MINPP1: variants seen among roughly 807,000 people sequenced by gnomAD.
MINPP1 encodes the protein multiple inositol polyphosphate phosphatase 1.
Under a neutral mutation model 46.1 loss-of-function variants are expected in MINPP1, and 28 were observed. The observed-to-expected ratio is 0.61, with a 90% CI of 0.45 to 0.83. The LOEUF (loss-of-function observed/expected upper bound fraction) is 0.83. MINPP1 is among the 40% of genes least tolerant of loss of function. MINPP1 has a pLI of 0.00. For missense variants in MINPP1, 603 were observed against 610.0 expected, an observed-to-expected ratio of 0.99 and a Z score of 0.12; for synonymous variants, 268 against 249.1, an observed-to-expected ratio of 1.08 and a Z score of -0.72.
At chr10:87,548,889 AC>A (rs1436519458) in intron 4 of MINPP1, among the ~76,000 whole-genome samples, 1 of 152,210 alleles carries the variant, frequency 6.6e-6, no homozygotes, top group African/African-American at 2.4e-5. Context: ...ATCAATACTT[AC>A]GGACTTTATA....
At chr10:87,509,616 ATTC>A (rs1241251917) in intron 2 of MINPP1, 16 of 212,782 alleles carry the variant, frequency 7.5e-5, no homozygotes, top group South Asian at 3.1e-4. Context: ...CCTGGATCCC[ATTC>A]TTCTTCCTTT....
In MINPP1 at chr10:87,505,448, G is replaced by T; in HGVS notation, c.533G>T (p.Arg178Leu). The T allele has an allele frequency of 1.2e-6, 2 of 1,613,382 alleles. No homozygotes were observed. Among genetic ancestry groups the T allele is most frequent in the Non-Finnish European group, 1.7e-6 (2 of 1,179,604 alleles). The change falls in exon 1 of 5, where the codon CGG (arginine) becomes CTG (leucine). Residue 178 changes from arginine (R) to leucine (L), a missense_variant. By Grantham distance (102) the Arg-to-Leu change is moderately radical. This residue lies in a region of MINPP1 where 344 missense variants were observed against 381.1 expected (regional missense o/e 0.90). Transcript: ENST00000371996. The surrounding 1 kb of genome is among the most constrained non-coding windows in gnomAD (Gnocchi z 4.4). ...AGCCGTGAGAACTACGGCCGCCTGC[G>T]GCTCATCACCAGTTCCAAGCACCGC... Reference protein sequence around the residue: ...LFSRENYGRLRLITSSKHRCM... With the variant: ...LFSRENYGRLLLITSSKHRCM...
intron 2 of MINPP1, among the ~76,000 whole-genome samples, chr10:87,510,110 CCA>C (rs1262681053): frequency 6.6e-6 from 1 of 152,082 alleles, no homozygotes; most frequent in Non-Finnish European, 1.5e-5. Context: ...TGTCTTTATG[CCA>C]CAGTTTCCTT....
rs1430332867 is a variant in MINPP1 at position 87,505,950 on chromosome 10, A to T, written c.637+398A>T. Among the ~76,000 whole-genome samples the T allele has an allele frequency of 6.6e-6, 1 of 151,450 alleles. No individual in the cohort carries two copies. The highest frequency in any genetic ancestry group is 1.5e-5 in the Non-Finnish European group (1 of 67,954). ...GGCGTCTAGTTTCACAATTGGGCGC[A>T]CGTTTTAAAAAACAGAATCTAGAAT... On this transcript the variant is annotated intron_variant, in intron 1 of 4. Coordinates refer to ENST00000371996, the MANE Select transcript of MINPP1 (RefSeq NM_004897.5). The surrounding 1 kb of genome is among the most constrained non-coding windows in gnomAD (Gnocchi z 4.4).
chr10:87,546,820 C>G (rs534019387), intron 4 of MINPP1: 1 of 152,178 alleles, frequency 6.6e-6, no homozygotes, highest in South Asian at 2.1e-4. Context: ...GTCCTAGTTA[C>G]TTGGGAGGCC....
At chr10:87,532,098 C>T (rs1851668237) in intron 4 of MINPP1, among the ~76,000 whole-genome samples, 2 of 152,168 alleles carry the variant, frequency 1.3e-5, no homozygotes, top group South Asian at 2.1e-4. Flanking sequence ...ACACCCTTCC[C>T]CTCTACCACC....
chr10:87,531,478 A>C (rs1483241078), intron 4 of MINPP1, among the ~76,000 whole-genome samples: 1 of 152,222 alleles, frequency 6.6e-6, no homozygotes, highest in Non-Finnish European at 1.5e-5. Flanking sequence ...ATTTTCATGC[A>C]TGGCTTGTAG....
intron 4 of MINPP1, among the ~76,000 whole-genome samples, chr10:87,525,988 C>T (rs1441530429): frequency 6.6e-6 from 1 of 152,204 alleles, no homozygotes; most frequent in Non-Finnish European, 1.5e-5. Flanking sequence ...CAAGTCTTTG[C>T]TATTGTGAAT....
intron 4 of MINPP1, among the ~76,000 whole-genome samples, chr10:87,533,920 A>G (rs916066072): frequency 5.3e-5 from 8 of 152,072 alleles, no homozygotes; most frequent in Non-Finnish European, 1.5e-5. Context: ...TTAGAAATGT[A>G]CGCCAATTCT....
chr10:87,505,169 C>G lies in MINPP1; in HGVS notation c.254C>G (p.Ala85Gly). ...ACCTGCACCCCGGTGCAGCTGGTCG[C>G]CCTCATTCGCCACGGCACCCGCTAC... ...EGTCTPVQLVALIRHGTRYPT... is the reference protein window; with the variant it reads ...EGTCTPVQLVGLIRHGTRYPT... Residue 85 changes from alanine (A) to glycine (G), a missense_variant, in exon 1 of 5, where the codon GCC becomes GGC. By Grantham distance (60) the Ala-to-Gly change is moderately conservative (BLOSUM62 0). Transcript: ENST00000371996. The surrounding 1 kb of genome is among the most constrained non-coding windows in gnomAD (Gnocchi z 4.4). 1 of 1,609,352 alleles carries G rather than the reference C, an allele frequency of 6.2e-7. No homozygotes were observed. The highest frequency in any genetic ancestry group is 8.5e-7 in the Non-Finnish European group (1 of 1,178,022).
Position 87,505,599 on chromosome 10 carries a change from C to G in MINPP1, c.637+47C>G. 1 of 1,549,890 alleles carries G rather than the reference C, an allele frequency of 6.5e-7. No individual in the cohort carries two copies. Among genetic ancestry groups the G allele is most frequent in the African/African-American group, 1.4e-5 (1 of 73,760 alleles). On this transcript the variant is annotated intron_variant, in intron 1 of 4. Coordinates refer to ENST00000371996, the MANE Select transcript of MINPP1 (RefSeq NM_004897.5). This position sits in a 1 kb window ranked among gnomAD's most constrained non-coding sequence, Gnocchi z 4.4. Reference sequence around the variant, plus strand: ...GTGCTGTCCCGGTCCTCCCACCCGCCCTGGATGCTCTCCCGCCTCCCCCAG... The same window carrying G: ...GTGCTGTCCCGGTCCTCCCACCCGCGCTGGATGCTCTCCCGCCTCCCCCAG...
intron 4 of MINPP1, among the ~76,000 whole-genome samples, chr10:87,543,164 A>G (rs1163160347): frequency 6.6e-6 from 1 of 152,188 alleles, no homozygotes; most frequent in African/African-American, 2.4e-5. Flanking sequence ...TCCTCATTCA[A>G]GATGTGGCCT....
chr10:87,515,254 G>C (rs1387745473), intron 3 of MINPP1, among the ~76,000 whole-genome samples: 8 of 151,914 alleles, frequency 5.3e-5, no homozygotes, highest in African/African-American at 1.9e-4. Context: ...AAGCGTGGTG[G>C]TGCACACCTG....
chr10:87,521,862 A>G (rs1343247651), intron 4 of MINPP1, among the ~76,000 whole-genome samples: 3 of 152,208 alleles, frequency 2.0e-5, no homozygotes, highest in African/African-American at 7.2e-5. Context: ...ATAATTTTTC[A>G]TGACTTGAAC....
chr10:87,513,825 C>T (rs1287947627), intron 3 of MINPP1, among the ~76,000 whole-genome samples: 1 of 152,080 alleles, frequency 6.6e-6, no homozygotes, highest in African/African-American at 2.4e-5. Context: ...TTCTGGAGGT[C>T]AGAAGTTCAA....
At chr10:87,547,262 C>T (rs1273919812) in intron 4 of MINPP1, among the ~76,000 whole-genome samples, 1 of 152,062 alleles carries the variant, frequency 6.6e-6, no homozygotes, top group East Asian at 1.9e-4. Context: ...AGTCATGTGC[C>T]ACCACACCCA....
In MINPP1 at chr10:87,521,107, C is replaced by A; in HGVS notation, c.1005C>A (p.Ser335=). The A allele has an allele frequency of 1.2e-6, 2 of 1,600,206 alleles. No homozygotes were observed. The highest frequency in any genetic ancestry group is 1.1e-5 in the South Asian group (1 of 90,482). The change falls in exon 4 of 5, where the codon TCC becomes TCA. Residue 335 remains serine, a synonymous_variant. Transcript: ENST00000371996. The part of the protein sequence containing the change: ...RGYGYTINSR[S]SCTLFQDIFQ... Reference sequence around the variant, plus strand: ...ATGGGTATACTATTAACAGTCGATCCAGCTGCACCTTGTTTCAGGATATCT... The same window carrying A: ...ATGGGTATACTATTAACAGTCGATCAAGCTGCACCTTGTTTCAGGATATCT...
At chr10:87,529,293 C>T (rs1209539510) in intron 4 of MINPP1, among the ~76,000 whole-genome samples, 1 of 152,188 alleles carries the variant, frequency 6.6e-6, no homozygotes, top group East Asian at 1.9e-4. Context: ...GATGCAGTTT[C>T]TTCCTAGCCT....
intron 4 of MINPP1, among the ~76,000 whole-genome samples, chr10:87,537,959 T>A (rs1385686461): frequency 6.6e-6 from 1 of 151,824 alleles, no homozygotes; most frequent in African/African-American, 2.4e-5. Context: ...TTTTAATACA[T>A]GGAACTTATT....
Sources: gnomAD v4.1 joint callset for allele counts (sites outside exome capture counted in the v4.1 genomes callset) on GRCh38, gnomAD v4.1.1 for gene constraint, gnomAD v4.1.1 regional missense constraint, Gnocchi (gnomAD v3.1) non-coding constraint, MANE v1.5 for transcripts, NCBI Gene and HGNC (gene_info 2026-07-23, HGNC 2026-07-21) for gene names.